Variants in SMYD2 observed in about 807,000 individuals in gnomAD.
The protein encoded by SMYD2 is SET and MYND domain containing 2.
A neutral mutation model predicts 59.1 loss-of-function variants in SMYD2; 53 were observed. The observed-to-expected ratio is 0.90, with a 90% confidence interval of 0.72 to 1.13. SMYD2 has a LOEUF of 1.13. Among genes scored for constraint, SMYD2 ranks in the 50% most tolerant of loss-of-function variants. SMYD2 has a pLI of 0.00. For synonymous variants in SMYD2, 208 were observed against 198.8 expected (o/e 1.05, Z -0.39); for missense variants, 494 against 544.7 (o/e 0.91, Z 0.93).
At chr1:214,291,320 A>G (rs1656632270) in intron 1 of SMYD2, among the ~76,000 whole-genome samples, 1 of 152,222 alleles carries the variant, frequency 6.6e-6, no homozygotes, top group Non-Finnish European at 1.5e-5. Context: ...TCATCCAGGT[A>G]TGTCATGAAG....
chr1:214,321,601 C>G (rs533890888), intron 5 of SMYD2, among the ~76,000 whole-genome samples: 2 of 152,268 alleles, frequency 1.3e-5, no homozygotes, highest in Non-Finnish European at 2.9e-5. Context: ...TGGGTTACCT[C>G]GAGACCTGGC....
At chr1:214,292,089 T>TGAGAGAGA (rs56410935) in intron 1 of SMYD2, among the ~76,000 whole-genome samples, 3,424 of 145,964 alleles carry the variant, frequency 0.023, 76 homozygotes, top group African/African-American at 0.062. Flanking sequence ...TTTTCTAGGG[T>TGAGAGAGA]GAGAGAGAGA....
At chr1:214,324,028 A>G (rs1014125319) in intron 5 of SMYD2, among the ~76,000 whole-genome samples, 1 of 152,050 alleles carries the variant, frequency 6.6e-6, no homozygotes, top group Non-Finnish European at 1.5e-5. Context: ...CCTGGGTTCA[A>G]ATGATTCTCC....
At chr1:214,289,840 G>A (rs935251971) in intron 1 of SMYD2, among the ~76,000 whole-genome samples, 8 of 152,198 alleles carry the variant, frequency 5.3e-5, no homozygotes, top group East Asian at 1.9e-4. Flanking sequence ...ACTTGAGGGA[G>A]GCAGGGCATT....
intron 2 of SMYD2, among the ~76,000 whole-genome samples, chr1:214,306,668 G>A (rs1328590019): frequency 6.6e-6 from 1 of 152,216 alleles, no homozygotes; most frequent in African/African-American, 2.4e-5. Context: ...AGCAGCCCCT[G>A]CGACATATAT....
At chr1:214,323,089 T>A (rs1307730914) in intron 5 of SMYD2, among the ~76,000 whole-genome samples, 1 of 152,192 alleles carries the variant, frequency 6.6e-6, no homozygotes, top group Non-Finnish European at 1.5e-5. Flanking sequence ...TCTTTGTGAC[T>A]GTGGACAAAT....
chr1:214,303,330 G>A (rs924047778), intron 1 of SMYD2, among the ~76,000 whole-genome samples: 6 of 152,108 alleles, frequency 3.9e-5, no homozygotes, highest in African/African-American at 1.4e-4. Flanking sequence ...ATCACGCAGC[G>A]CTTGCTGACG....
At chr1:214,329,849 C>T (rs561721883) in intron 7 of SMYD2, among the ~76,000 whole-genome samples, 2 of 152,354 alleles carry the variant, frequency 1.3e-5, no homozygotes, top group African/African-American at 2.4e-5. Context: ...GCAGAGGCAG[C>T]TGAGGGAGGC....
intron 1 of SMYD2, among the ~76,000 whole-genome samples, chr1:214,296,355 T>A (rs1298373603): frequency 7.9e-5 from 12 of 152,238 alleles, no homozygotes; most frequent in Non-Finnish European, 4.4e-5. Context: ...AATCAAATAC[T>A]TGCATTTTCC....
intron 1 of SMYD2, among the ~76,000 whole-genome samples, chr1:214,299,465 T>TATGTATATATATATATATATATATATATA (rs1553254476): frequency 2.8e-5 from 2 of 71,612 alleles, no homozygotes; most frequent in Non-Finnish European, 5.9e-5. Context: ...AAAGAAAACA[T>TATGTATATATATATATATATATATATATA]TATATATATA....
rs1368188220 is a variant in SMYD2 at position 214,314,870 on chromosome 1, C to G, written c.346C>G (p.Gln116Glu). The G allele has an allele frequency of 1.2e-6, 2 of 1,611,030 alleles. No individual in the cohort carries two copies. Among genetic ancestry groups the G allele is most frequent in the Admixed American group, 1.7e-5 (1 of 59,842 alleles). Residue 116 changes from glutamine (Q) to glutamate (E), a missense_variant and splice_region_variant, in exon 3 of 12, where the codon CAG becomes GAG. By Grantham distance (29) the Gln-to-Glu change is conservative (BLOSUM62 2). Transcript: ENST00000366957. ...VRLTARILAK[Q>E]KIHPERTPSE... is the part of the protein sequence containing the mutation. ...ACTAACAGCAAGGATTCTGGCCAAA[C>G]AGGTGAGGAAATGGGACAATGTTCA... is the stretch of plus-strand genomic sequence containing the variant.
intron 1 of SMYD2, among the ~76,000 whole-genome samples, chr1:214,292,455 A>T (rs1656651902): frequency 6.6e-6 from 1 of 152,030 alleles, no homozygotes; most frequent in African/African-American, 2.4e-5. Context: ...CTCCCACAGC[A>T]CCTCATACAA....
chr1:214,291,449 C>T (rs377373080), intron 1 of SMYD2, among the ~76,000 whole-genome samples: 3 of 152,154 alleles, frequency 2.0e-5, no homozygotes, highest in Admixed American at 6.5e-5. Flanking sequence ...GCCTCAGAAG[C>T]GAAGACTCTG....
intron 1 of SMYD2, 38 bp downstream of exon 1, chr1:214,281,465 G>T: frequency 7.5e-7 from 1 of 1,341,382 alleles, no homozygotes. Context: ...GCGGGAGCCG[G>T]GGGCGCCGAG....
intron 5 of SMYD2, among the ~76,000 whole-genome samples, chr1:214,323,950 A>G (rs915656891): frequency 2.0e-5 from 3 of 151,552 alleles, no homozygotes; most frequent in Non-Finnish European, 4.4e-5. Context: ...TTTTTGAGAC[A>G]GAGTTTCGCT....
At chr1:214,283,846 G>C (rs1558046065) in intron 1 of SMYD2, among the ~76,000 whole-genome samples, 1 of 152,122 alleles carries the variant, frequency 6.6e-6, no homozygotes, top group Non-Finnish European at 1.5e-5. Context: ...TAAGATAAAT[G>C]AATGACCCAA....
chr1:214,324,375 TG>T (rs1390858379), intron 5 of SMYD2, among the ~76,000 whole-genome samples: 1 of 152,198 alleles, frequency 6.6e-6, no homozygotes, highest in Non-Finnish European at 1.5e-5. Context: ...CTCAGAGTCT[TG>T]GGGGTCTTTG....
rs756823866 is a variant in SMYD2 at position 214,299,465 on chromosome 1, T to TTATATATATATATATA, written c.174-5719_174-5704dup. Among the ~76,000 whole-genome samples, 512 of 71,450 alleles carry TTATATATATATATATA rather than the reference T, an allele frequency of 7.2e-3. 7 individuals are homozygous for TTATATATATATATATA. The highest frequency in any genetic ancestry group is 0.031 in the African/African-American group (414 of 13,360). The allele number at this position is 71,450 out of a possible 152,430, so 46.9% of individuals were successfully genotyped here. On this transcript the variant is annotated intron_variant, in intron 1 of 11. Transcript: ENST00000366957. ...AACAGTGAACTGGATAAAGAAAACA[T>TTATATATATATATATA]TATATATATATATATATACACCATA...
rs374833245 is a variant in SMYD2, at chr1:214,328,620, T to C, written c.705+896T>C. On this transcript the variant is annotated intron_variant, in intron 7 of 11. Coordinates refer to ENST00000366957, the MANE Select transcript of SMYD2 (RefSeq NM_020197.3). ...AGTTTAGCAATTTGTAATGCTATTT[T>C]ACGGTGCATGCCTGGGTATTTGAAG... Among the ~76,000 whole-genome samples the C allele has an allele frequency of 1.1e-4, 16 of 152,366 alleles. No individual in the cohort carries two copies. In the East Asian group the frequency reaches 2.9e-3, roughly 28 times the overall value.
Sources: gnomAD v4.1 joint callset for allele counts (sites outside exome capture counted in the v4.1 genomes callset) on GRCh38, gnomAD v4.1.1 for gene constraint, MANE v1.5 for transcripts, NCBI Gene and HGNC (gene_info 2026-07-23, HGNC 2026-07-21) for gene names.